Variants in PRPSAP1 observed in about 807,000 individuals in gnomAD.
The protein encoded by PRPSAP1 is phosphoribosyl pyrophosphate synthase-associated protein 1.
A neutral mutation model predicts 39.4 loss-of-function variants in PRPSAP1; 31 were observed. The observed-to-expected ratio is 0.79, with a 90% confidence interval of 0.59 to 1.06. The LOEUF is 1.06. PRPSAP1 is among the 50% of genes least tolerant of loss of function. The probability of loss-of-function intolerance (pLI) is 0.00; values close to 1 mark genes in which losing one functional copy is unlikely to be tolerated. For missense variants in PRPSAP1, 430 were observed against 511.6 expected, an observed-to-expected ratio of 0.84 and a Z score of 1.54; for synonymous variants, 212 against 192.6, an observed-to-expected ratio of 1.10 and a Z score of -0.83.
chr17:76,323,717 T>G (rs529022064), intron 7 of PRPSAP1, among the ~76,000 whole-genome samples: 93 of 135,770 alleles, frequency 6.8e-4, no homozygotes, highest in African/African-American at 5.4e-4. Context: ...AGGTTTTTTG[T>G]TTTTTTTTTT....
At chr17:76,339,698 T>G (rs908857531) in intron 3 of PRPSAP1, among the ~76,000 whole-genome samples, 1 of 151,730 alleles carries the variant, frequency 6.6e-6, no homozygotes, top group Non-Finnish European at 1.5e-5. Flanking sequence ...AAGTACCCAT[T>G]TATACCTATG....
chr17:76,345,245 A>AAAAAAAAAAAAAAAAAG, intron 2 of PRPSAP1, among the ~76,000 whole-genome samples: 1 of 141,890 alleles, frequency 7.0e-6, no homozygotes, highest in African/African-American at 2.6e-5. Context: ...ATTAAAAAAA[A>AAAAAAAAAAAAAAAAAG]AAAAAAAAAA....
At chr17:76,331,771 T>C (rs2071324414) in intron 4 of PRPSAP1, among the ~76,000 whole-genome samples, 1 of 151,992 alleles carries the variant, frequency 6.6e-6, no homozygotes. Context: ...AATTGTAAAA[T>C]ATTACATTGA....
At chr17:76,330,491 G>A in intron 5 of PRPSAP1, 60 bp downstream of exon 5, 2 of 1,313,850 alleles carry the variant, frequency 1.5e-6, no homozygotes, top group Non-Finnish European at 2.1e-6. Flanking sequence ...TCTGATACCA[G>A]AGAAAAACTA....
rs548243781 is a variant in PRPSAP1, at chr17:76,339,994, G to A, written c.290+4677C>T. Among the ~76,000 whole-genome samples the A allele has an allele frequency of 2.6e-5, 4 of 151,506 alleles. No individual in the cohort carries two copies. The East Asian group carries it at 7.7e-4, about 29-fold the overall frequency. On this transcript the variant is annotated intron_variant, in intron 3 of 9. Coordinates refer to ENST00000446526, the MANE Select transcript of PRPSAP1 (RefSeq NM_002766.3). ...TAAAAATACAAAATTAGCCATGCATGGTGGCATGTGCCTGTAGCCCCAGCT... is the reference window on the plus strand; with the variant it reads ...TAAAAATACAAAATTAGCCATGCATAGTGGCATGTGCCTGTAGCCCCAGCT...
chr17:76,353,919 G>C, upstream of PRPSAP1: 2 of 1,324,378 alleles, frequency 1.5e-6, no homozygotes, highest in Non-Finnish European at 1.9e-6. Context: ...CCAGAGGCAA[G>C]GCCACCGCCC....
At position 76,339,618 on chromosome 17, in the gene PRPSAP1, G is replaced by A. The variant is rs572955370; in HGVS notation, c.290+5053C>T. Among the ~76,000 whole-genome samples the A allele has an allele frequency of 5.1e-4, 78 of 151,656 alleles. 4 individuals carry two copies. The highest frequency in any genetic ancestry group is 1.9e-3 in the African/African-American group (76 of 41,030). On this transcript the variant is annotated intron_variant, in intron 3 of 9. Coordinates refer to ENST00000446526, the MANE Select transcript of PRPSAP1 (RefSeq NM_002766.3). ...ACTGAACCACTGGGAAGAGACTTGC[G>A]GCTTTTATCTCAACACCAAATACAC...
intron 7 of PRPSAP1, among the ~76,000 whole-genome samples, chr17:76,327,900 C>T (rs2071270444): frequency 6.6e-6 from 1 of 152,104 alleles, no homozygotes; most frequent in Non-Finnish European, 1.5e-5. Context: ...TCGGGCCTGG[C>T]ATGGGGCTCA....
At chr17:76,351,428 T>C (rs1295567552) in intron 1 of PRPSAP1, among the ~76,000 whole-genome samples, 2 of 152,074 alleles carry the variant, frequency 1.3e-5, no homozygotes, top group Admixed American at 6.6e-5. Context: ...GGCAGGAGAA[T>C]GGCGTGAACC....
intron 3 of PRPSAP1, among the ~76,000 whole-genome samples, chr17:76,344,385 T>C (rs905828814): frequency 3.3e-5 from 5 of 152,186 alleles, no homozygotes; most frequent in Non-Finnish European, 2.9e-5. Flanking sequence ...CGCCTCGGCC[T>C]CCCAAAGTGC....
intron 3 of PRPSAP1, among the ~76,000 whole-genome samples, chr17:76,342,608 T>C (rs1011737680): frequency 2.0e-5 from 3 of 150,756 alleles, no homozygotes; most frequent in African/African-American, 4.9e-5. Context: ...TCCCAGCTAC[T>C]AAGGAGGCTG....
At chr17:76,319,002 T>C (rs1315729824) in intron 7 of PRPSAP1, among the ~76,000 whole-genome samples, 3 of 152,044 alleles carry the variant, frequency 2.0e-5, no homozygotes, top group Admixed American at 6.6e-5. Flanking sequence ...TGCAGTGGCG[T>C]GATCTCAGCT....
At chr17:76,340,330 T>C (rs1325449249) in intron 3 of PRPSAP1, among the ~76,000 whole-genome samples, 1 of 151,668 alleles carries the variant, frequency 6.6e-6, no homozygotes, top group Non-Finnish European at 1.5e-5. Context: ...AGAAAAACGG[T>C]AAGTGTTTCC....
chr17:76,349,274 C>T (rs569084929), intron 1 of PRPSAP1, among the ~76,000 whole-genome samples: 121 of 148,884 alleles, frequency 8.1e-4, no homozygotes, highest in African/African-American at 2.8e-3. Flanking sequence ...ATTGCACTCC[C>T]GCCTGGGTAA....
rs113406630 is a variant in PRPSAP1, at chr17:76,340,627, G to A, written c.290+4044C>T. ...CATGAACGGCCTCGCACGGTGGCTC[G>A]CGCCTGTAATGCCAGCACTTTGGGA... On this transcript the variant is annotated intron_variant, in intron 3 of 9. Transcript: ENST00000446526. Among the ~76,000 whole-genome samples, 573 of 150,168 alleles carry A rather than the reference G, an allele frequency of 3.8e-3. 15 individuals are homozygous for A. Among genetic ancestry groups the A allele is most frequent in the African/African-American group, 0.014 (536 of 39,608 alleles).
intron 9 of PRPSAP1, 115 bp downstream of exon 9, chr17:76,312,755 G>T: frequency 7.3e-7 from 1 of 1,362,152 alleles, no homozygotes; most frequent in Non-Finnish European, 9.8e-7. Flanking sequence ...CTGCTAGCCA[G>T]CAAAAGCTAG....
At chr17:76,341,932 C>G (rs1485348630) in intron 3 of PRPSAP1, among the ~76,000 whole-genome samples, 1 of 152,074 alleles carries the variant, frequency 6.6e-6, no homozygotes, top group Non-Finnish European at 1.5e-5. Context: ...GAGTGAGACT[C>G]CGTCTAAAAA....
chr17:76,353,645 GGGACGCGGAAAGCCGA>G lies in PRPSAP1; in HGVS notation c.43_58del (p.Ser15ArgfsTer11), dbSNP rs1259270870. On this transcript the variant is annotated frameshift_variant, in exon 1 of 10. Transcript: ENST00000446526. LOFTEE classifies it high-confidence loss of function. ...CGGCGGGGGAACGGGGCGGGCGCGC[GGGACGCGGAAAGCCGA>G]GGACGCGGAGGGCGGGGGCAACAGC... 22 of 1,535,254 alleles carry G rather than the reference GGGACGCGGAAAGCCGA, an allele frequency of 1.4e-5. No individual in the cohort carries two copies. The highest frequency in any genetic ancestry group is 1.0e-4 in the African/African-American group (7 of 70,094).
intron 2 of PRPSAP1, chr17:76,346,159 T>C (rs2071498893): frequency 4.0e-6 from 1 of 247,812 alleles, no homozygotes; most frequent in Non-Finnish European, 8.1e-6. Flanking sequence ...TGAAATACTA[T>C]TTTTTATCAA....
Sources: allele counts gnomAD v4.1 joint callset (sites outside exome capture counted in the v4.1 genomes callset), GRCh38; gene constraint gnomAD v4.1.1; transcripts MANE v1.5; gene names NCBI Gene and HGNC (gene_info 2026-07-23, HGNC 2026-07-21).